Variants in GPR39 observed in about 807,000 individuals in gnomAD.
GPR39 encodes the protein G protein-coupled receptor 39, also known as zinc sensing receptor.
GPR39 carries 23 observed loss-of-function variants against 18.4 expected under a neutral mutation model. The observed-to-expected ratio is 1.25, with a 90% CI of 0.90 to 1.77. The LOEUF is 1.77. Ranked by LOEUF, GPR39 falls within the 40% of genes most tolerant of loss-of-function variation. The pLI is 0.00. For synonymous variants in GPR39, 280 were observed against 257.9 expected (o/e 1.09, Z -0.82); for missense variants, 647 against 602.4 (o/e 1.07, Z -0.78).
At chr2:132,631,125 G>T (rs1308590786) in intron 1 of GPR39, among the ~76,000 whole-genome samples, 2 of 152,168 alleles carry the variant, frequency 1.3e-5, no homozygotes, top group East Asian at 1.9e-4. Flanking sequence ...AGAGCTGAGG[G>T]CAGCTCCTGG....
intron 1 of GPR39, among the ~76,000 whole-genome samples, chr2:132,535,083 A>G (rs971894303): frequency 4.6e-5 from 7 of 151,938 alleles, no homozygotes; most frequent in African/African-American, 1.5e-4. Context: ...CTCTTGCCTG[A>G]TTGCCCTAAT....
At chr2:132,606,776 A>C (rs1400822600) in intron 1 of GPR39, among the ~76,000 whole-genome samples, 1 of 152,152 alleles carries the variant, frequency 6.6e-6, no homozygotes, top group East Asian at 1.9e-4. Flanking sequence ...TCTTAGCAAG[A>C]TGGATGGGGA....
chr2:132,634,236 G>T (rs886280070), intron 1 of GPR39, among the ~76,000 whole-genome samples: 2 of 152,102 alleles, frequency 1.3e-5, no homozygotes, highest in African/African-American at 4.8e-5. Context: ...ATTGACAGTG[G>T]TCCTTTTCTG....
chr2:132,579,421 C>A (rs1244807242), intron 1 of GPR39, among the ~76,000 whole-genome samples: 1 of 152,072 alleles, frequency 6.6e-6, no homozygotes, highest in African/African-American at 2.4e-5. Flanking sequence ...GAAAAGAAAG[C>A]GTATTTTTCT....
intron 1 of GPR39, among the ~76,000 whole-genome samples, chr2:132,620,763 G>T: frequency 6.6e-6 from 1 of 151,850 alleles, no homozygotes; most frequent in African/African-American, 2.4e-5. Flanking sequence ...TATTTATTTA[G>T]TTATTTTGAG....
chr2:132,521,548 T>G (rs1679426763), intron 1 of GPR39, among the ~76,000 whole-genome samples: 1 of 152,144 alleles, frequency 6.6e-6, no homozygotes. Flanking sequence ...CTCCAGGCCT[T>G]CAGATCCAGA....
intron 1 of GPR39, among the ~76,000 whole-genome samples, chr2:132,492,642 C>A (rs62644659): frequency 0.39 from 46,326 of 118,200 alleles, 11,171 homozygotes; most frequent in African/African-American, 0.53. Flanking sequence ...TACACACCAT[C>A]TATATATAAT....
intron 1 of GPR39, among the ~76,000 whole-genome samples, chr2:132,617,002 T>TG (rs1268458231): frequency 1.3e-5 from 2 of 152,190 alleles, no homozygotes; most frequent in African/African-American, 2.4e-5. Context: ...TTTAAAAAAT[T>TG]TTTTTCCAGT....
At chr2:132,569,480 T>A (rs1680405936) in intron 1 of GPR39, among the ~76,000 whole-genome samples, 1 of 152,118 alleles carries the variant, frequency 6.6e-6, no homozygotes, top group South Asian at 2.1e-4. Flanking sequence ...CACACCTCCC[T>A]TAAGGCTGAG....
At chr2:132,555,239 G>A (rs1488592981) in intron 1 of GPR39, among the ~76,000 whole-genome samples, 1 of 114,368 alleles carries the variant, frequency 8.7e-6, no homozygotes, top group Admixed American at 9.0e-5. Flanking sequence ...TGTGAGCCTG[G>A]CCTCAACCAC....
intron 1 of GPR39, chr2:132,418,612 G>A (rs1459352983): frequency 1.3e-5 from 2 of 152,138 alleles, no homozygotes; most frequent in Admixed American, 6.5e-5. Flanking sequence ...TCACCTCACA[G>A]ACCCAATTCT....
chr2:132,443,931 G>A (rs1182128806), intron 1 of GPR39, among the ~76,000 whole-genome samples: 1 of 152,088 alleles, frequency 6.6e-6, no homozygotes, highest in Non-Finnish European at 1.5e-5. Flanking sequence ...ACCTATCTAG[G>A]TTTGGTGGTG....
chr2:132,551,601 A>AG (rs1041539173), intron 1 of GPR39, among the ~76,000 whole-genome samples: 11 of 152,332 alleles, frequency 7.2e-5, no homozygotes, highest in African/African-American at 2.6e-4. Flanking sequence ...TTATACCTTT[A>AG]GTGGAAGATT....
chr2:132,488,886 C>G (rs1474449767), intron 1 of GPR39: 1 of 155,776 alleles, frequency 6.4e-6, no homozygotes, highest in Non-Finnish European at 1.4e-5. Context: ...GGTGGGAATA[C>G]TGTGATTGCC....
At chr2:132,545,321 T>C (rs1573658274) in intron 1 of GPR39, among the ~76,000 whole-genome samples, 1 of 152,184 alleles carries the variant, frequency 6.6e-6, no homozygotes, top group East Asian at 1.9e-4. Flanking sequence ...AGCCAGGCAG[T>C]CCATGTGAGG....
chr2:132,578,912 A>G (rs1186859987), intron 1 of GPR39, among the ~76,000 whole-genome samples: 2 of 152,008 alleles, frequency 1.3e-5, no homozygotes, highest in Non-Finnish European at 2.9e-5. Context: ...AAGTTCATCA[A>G]TCTTTTCAAA....
intron 1 of GPR39, among the ~76,000 whole-genome samples, chr2:132,637,364 T>C (rs1018978577): frequency 1.3e-5 from 2 of 152,222 alleles, no homozygotes; most frequent in African/African-American, 4.8e-5. Flanking sequence ...TGTGGCACAT[T>C]TCAGAGGCCT....
intron 1 of GPR39, among the ~76,000 whole-genome samples, chr2:132,492,653 A>G (rs1316792522): frequency 2.9e-5 from 4 of 138,932 alleles, no homozygotes; most frequent in Non-Finnish European, 6.1e-5. Flanking sequence ...TATATATAAT[A>G]TATATACACA....
chr2:132,427,153 T>TAGGTAC (rs1167043669), intron 1 of GPR39, among the ~76,000 whole-genome samples: 4 of 82,770 alleles, frequency 4.8e-5, no homozygotes, highest in Non-Finnish European at 9.8e-5. Flanking sequence ...TATATATATA[T>TAGGTAC]ATATATATAT....
Sources: allele counts gnomAD v4.1 joint callset (sites outside exome capture counted in the v4.1 genomes callset), GRCh38; gene constraint gnomAD v4.1.1; transcripts MANE v1.5; gene names NCBI Gene and HGNC (gene_info 2026-07-23, HGNC 2026-07-21).